HECW2: variants seen among roughly 807,000 people sequenced by gnomAD.
The protein encoded by HECW2 is HECT, C2 and WW domain containing E3 ubiquitin protein ligase 2, also known as E3 ubiquitin-protein ligase HECW2.
In HECW2, 61 loss-of-function variants were observed where a neutral mutation model predicts 175.2. That is an observed-to-expected ratio of 0.35 (90% confidence interval 0.28 to 0.43). HECW2 has a LOEUF of 0.43. Among genes scored for constraint, HECW2 ranks in the 20% least tolerant of loss-of-function variants. HECW2 has a pLI of 1.00. For missense variants in HECW2, 1,524 were observed against 2,000.5 expected (o/e 0.76, Z 4.54); for synonymous variants, 671 against 731.0 (o/e 0.92, Z 1.32).
At chr2:196,280,991 A>G (rs2105994185) in intron 14 of HECW2, among the ~76,000 whole-genome samples, 1 of 152,302 alleles carries the variant, frequency 6.6e-6, no homozygotes, top group East Asian at 1.9e-4. Context: ...AGAATGGCCT[A>G]TTTACCTAAT....
At chr2:196,432,039 G>A (rs1695728081) in intron 2 of HECW2, among the ~76,000 whole-genome samples, 1 of 152,158 alleles carries the variant, frequency 6.6e-6, no homozygotes, top group Admixed American at 6.5e-5. Flanking sequence ...GGCATTTGGG[G>A]CTAGATCACT....
At chr2:196,203,331 T>C (rs1686939326) in intron 28 of HECW2, among the ~76,000 whole-genome samples, 1 of 152,178 alleles carries the variant, frequency 6.6e-6, no homozygotes, top group South Asian at 2.1e-4. Flanking sequence ...AAGGTTTTAC[T>C]TATTTAAAAA....
chr2:196,329,585 A>G lies in HECW2; in HGVS notation c.561T>C (p.Phe187=). Residue 187 remains phenylalanine, a synonymous_variant, in exon 5 of 29, where the codon TTT becomes TTC. Transcript: ENST00000644978. ...GNLHSRKLVS[F]TLSDLRAVGL... is the part of the protein sequence containing the mutation. ...TAAAGACATTCTTACCTGACAATGT[A>G]AAGCTAACAAGTTTTCGAGAATGCA... is the stretch of plus-strand genomic sequence containing the variant. 1 of 1,613,158 alleles carries G rather than the reference A, an allele frequency of 6.2e-7. No individual in the cohort carries two copies. The highest frequency in any genetic ancestry group is 1.3e-5 in the African/African-American group (1 of 75,014).
chr2:196,407,954 A>G (rs1385158845), intron 2 of HECW2, among the ~76,000 whole-genome samples: 1 of 152,222 alleles, frequency 6.6e-6, no homozygotes, highest in East Asian at 1.9e-4. Flanking sequence ...TGGTTATTCT[A>G]TCTCAATACT....
At chr2:196,278,133 A>AATATATATATATATATATATATATATAT (rs71009094) in intron 15 of HECW2, among the ~76,000 whole-genome samples, 1 of 66,566 alleles carries the variant, frequency 1.5e-5, no homozygotes, top group Non-Finnish European at 3.3e-5. Context: ...ATAATTAAAA[A>AATATATATATATATATATATATATATAT]ATATATATAT....
At chr2:196,309,817 T>C (rs972179749) in intron 10 of HECW2, among the ~76,000 whole-genome samples, 3 of 152,224 alleles carry the variant, frequency 2.0e-5, no homozygotes, top group African/African-American at 7.2e-5. Flanking sequence ...AGAGAGAAGA[T>C]GCTGCCAAAC....
intron 2 of HECW2, among the ~76,000 whole-genome samples, chr2:196,430,714 A>C (rs757838840): frequency 6.6e-6 from 1 of 152,224 alleles, no homozygotes; most frequent in East Asian, 1.9e-4. Flanking sequence ...GAACTTGAAG[A>C]TAGATAAATA....
At chr2:196,521,988 G>T (rs1257732995) in intron 1 of HECW2, among the ~76,000 whole-genome samples, 1 of 152,018 alleles carries the variant, frequency 6.6e-6, no homozygotes, top group African/African-American at 2.4e-5. Context: ...AGTCCTTTGG[G>T]TATATACCCA....
chr2:196,579,306 A>T (rs1370715593), intron 1 of HECW2, among the ~76,000 whole-genome samples: 1 of 152,120 alleles, frequency 6.6e-6, no homozygotes, highest in African/African-American at 2.4e-5. Flanking sequence ...GAAAATATAT[A>T]TTTAACACAA....
intron 28 of HECW2, among the ~76,000 whole-genome samples, chr2:196,213,455 C>A (rs7606889): frequency 0.12 from 17,960 of 152,138 alleles, 2,197 homozygotes; most frequent in African/African-American, 0.31. Context: ...ATCTGTGCTC[C>A]TGCGTGTTAC....
intron 18 of HECW2, among the ~76,000 whole-genome samples, chr2:196,254,509 CAATCACAAAAT>C (rs1688978297): frequency 6.6e-6 from 1 of 152,200 alleles, no homozygotes; most frequent in South Asian, 2.1e-4. Context: ...TAAATAACTA[CAATCACAAAAT>C]AATTAGCTCC....
chr2:196,337,250 T>A (rs1457621154), intron 3 of HECW2, among the ~76,000 whole-genome samples: 1 of 152,010 alleles, frequency 6.6e-6, no homozygotes, highest in Non-Finnish European at 1.5e-5. Context: ...AAAAGGGAAG[T>A]TGGTGCCCAG....
At chr2:196,335,069 C>T (rs1405779297) in intron 3 of HECW2, among the ~76,000 whole-genome samples, 1 of 152,160 alleles carries the variant, frequency 6.6e-6, no homozygotes, top group Non-Finnish European at 1.5e-5. Flanking sequence ...TGGAAGTATA[C>T]TGTAGTAGAT....
chr2:196,532,059 T>G (rs1482911733), intron 1 of HECW2, among the ~76,000 whole-genome samples: 1 of 152,194 alleles, frequency 6.6e-6, no homozygotes, highest in East Asian at 1.9e-4. Flanking sequence ...ATTACGATCT[T>G]CCCAGTGTGG....
At chr2:196,593,166 G>A (rs1349693247) in intron 1 of HECW2, among the ~76,000 whole-genome samples, 2 of 151,222 alleles carry the variant, frequency 1.3e-5, no homozygotes, top group African/African-American at 2.4e-5. Context: ...AGGCGGCTCC[G>A]CGCCGCCACC....
intron 2 of HECW2, among the ~76,000 whole-genome samples, chr2:196,403,230 T>C (rs1283829050): frequency 1.4e-5 from 2 of 147,676 alleles, no homozygotes; most frequent in East Asian, 3.9e-4. Flanking sequence ...GCTACTAAAA[T>C]GTCACTCAAC....
At chr2:196,361,700 C>G (rs1693593090) in intron 2 of HECW2, 1 of 717,244 alleles carries the variant, frequency 1.4e-6, no homozygotes, top group Non-Finnish European at 1.7e-6. Context: ...GAGGGGACCA[C>G]TTTTAAGAGC....
intron 1 of HECW2, among the ~76,000 whole-genome samples, chr2:196,446,592 G>C (rs577816670): frequency 4.5e-4 from 69 of 152,206 alleles, no homozygotes; most frequent in African/African-American, 1.6e-3. Context: ...CAAACTATTT[G>C]GCACCACAGT....
Position 196,587,230 on chromosome 2 carries a change from G to A in HECW2, c.-36+6278C>T, listed in dbSNP as rs188527938. ...TCAATAGTATAACAGAGAAGCCACT[G>A]TGCTTTGTTCGAAAATGACACAAAA... On this transcript the variant is annotated intron_variant, in intron 1 of 28. Coordinates refer to ENST00000644978, the MANE Select transcript of HECW2 (RefSeq NM_001348768.2). 1.2e-4 allele frequency among the ~76,000 whole-genome samples: 19 copies of A among 152,342 alleles called. No homozygotes were observed. The East Asian group carries it at 3.7e-3, about 29-fold the overall frequency.
Sources: allele counts gnomAD v4.1 joint callset (sites outside exome capture counted in the v4.1 genomes callset), GRCh38; gene constraint gnomAD v4.1.1; transcripts MANE v1.5; gene names NCBI Gene and HGNC (gene_info 2026-07-23, HGNC 2026-07-21).